The following SDHAF4 variants were observed in gnomAD, a reference collection of about 807,000 sequenced individuals.
The protein encoded by SDHAF4 is succinate dehydrogenase complex assembly factor 4, also known as succinate dehydrogenase assembly factor 4, mitochondrial.
SDHAF4 carries 14 observed loss-of-function variants against 14.3 expected under a neutral mutation model. That is an observed-to-expected ratio of 0.98 (90% confidence interval 0.65 to 1.53). The LOEUF (loss-of-function observed/expected upper bound fraction) is 1.53, where lower values mean the gene tolerates loss of function less well. SDHAF4 is among the 40% of genes most tolerant of loss of function. The pLI is 0.00. For missense variants in SDHAF4, 141 were observed against 129.3 expected (o/e 1.09, Z -0.44); for synonymous variants, 63 against 47.3 (o/e 1.33, Z -1.36).
At chr6:70,568,436 A>G (rs1802132673) in intron 1 of SDHAF4, among the ~76,000 whole-genome samples, 2 of 152,318 alleles carry the variant, frequency 1.3e-5, no homozygotes, top group South Asian at 4.1e-4. Flanking sequence ...TTCCTGATAC[A>G]ACTGTGCAAT....
At chr6:70,578,802 C>T (rs1289131112) in intron 1 of SDHAF4, among the ~76,000 whole-genome samples, 1 of 152,142 alleles carries the variant, frequency 6.6e-6, no homozygotes, top group African/African-American at 2.4e-5. Context: ...CACATAGCTG[C>T]CAACTATCCC....
the SDHAF4 span, among the ~76,000 whole-genome samples, chr6:70,597,566 A>G: frequency 6.6e-6 from 1 of 152,034 alleles, no homozygotes; most frequent in Non-Finnish European, 1.5e-5. Context: ...CTGACTGAAG[A>G]CTTTATAAAG....
the SDHAF4 span, among the ~76,000 whole-genome samples, chr6:70,597,934 G>A: frequency 3.3e-5 from 5 of 152,170 alleles, no homozygotes; most frequent in South Asian, 2.1e-4. Context: ...TCAACTTCCC[G>A]AAGACTGGTT....
intron 2 of SDHAF4, among the ~76,000 whole-genome samples, chr6:70,583,666 C>T (rs1400713431): frequency 6.6e-6 from 1 of 152,164 alleles, no homozygotes; most frequent in Non-Finnish European, 1.5e-5. Context: ...CTAACAACAG[C>T]TGATGAGCTA....
At chr6:70,591,545 A>G (rs9446272), downstream of SDHAF4, among the ~76,000 whole-genome samples, 66,639 of 151,560 alleles carry the variant, frequency 0.44, 15,184 homozygotes, top group Middle Eastern at 0.55. Context: ...TAGCCAGGAT[A>G]GTCTCGATCT....
chr6:70,594,537 T>G (rs565346977), downstream of SDHAF4, among the ~76,000 whole-genome samples: 5 of 152,252 alleles, frequency 3.3e-5, no homozygotes, highest in South Asian at 8.3e-4. Context: ...GAGTCTAGTC[T>G]CCACCAGCGA....
the SDHAF4 span, among the ~76,000 whole-genome samples, chr6:70,597,202 C>T: frequency 2.0e-5 from 3 of 150,928 alleles, no homozygotes; most frequent in South Asian, 2.1e-4. Context: ...AGTGTGATCT[C>T]GGCTCACTGC....
chr6:70,568,879 A>G (rs1581924505), intron 1 of SDHAF4, among the ~76,000 whole-genome samples: 3 of 150,898 alleles, frequency 2.0e-5, no homozygotes, highest in Admixed American at 6.6e-5. Context: ...ATGACACCTC[A>G]TTGTGATTTT....
downstream of SDHAF4, among the ~76,000 whole-genome samples, chr6:70,593,476 G>A (rs907264601): frequency 1.3e-5 from 2 of 152,184 alleles, no homozygotes; most frequent in African/African-American, 4.8e-5. Context: ...ACCACCCTGG[G>A]ACCTCAGAAC....
chr6:70,594,124 T>C (rs2128537186), downstream of SDHAF4, among the ~76,000 whole-genome samples: 1 of 152,338 alleles, frequency 6.6e-6, no homozygotes, highest in East Asian at 1.9e-4. Flanking sequence ...CCGTTGTATC[T>C]TGGAAGTAGA....
intron 1 of SDHAF4, among the ~76,000 whole-genome samples, chr6:70,570,407 C>A (rs1436561167): frequency 6.6e-6 from 1 of 152,124 alleles, no homozygotes; most frequent in Non-Finnish European, 1.5e-5. Context: ...ACTGCAACCT[C>A]CACCTCCCGA....
chr6:70,596,856 G>A, the SDHAF4 span: 2 of 152,260 alleles, frequency 1.3e-5, no homozygotes, highest in Admixed American at 1.3e-4. Context: ...AATAACAAAT[G>A]TTCATTGGAT....
At chr6:70,571,649 T>C (rs12197942) in intron 1 of SDHAF4, among the ~76,000 whole-genome samples, 26,430 of 152,142 alleles carry the variant, frequency 0.17, 2,391 homozygotes, top group Middle Eastern at 0.21. Context: ...TCTAGCCTCA[T>C]ATAATGTACT....
At chr6:70,568,955 CTTTTTTCTTT>C (rs1802141190) in intron 1 of SDHAF4, among the ~76,000 whole-genome samples, 1 of 99,438 alleles carries the variant, frequency 1.0e-5, no homozygotes, top group Non-Finnish European at 1.9e-5. Context: ...ATACCTCTTT[CTTTTTTCTTT>C]TTTTTTTTTT....
chr6:70,580,058 GA>G (rs1272380396), intron 2 of SDHAF4, among the ~76,000 whole-genome samples: 1 of 151,128 alleles, frequency 6.6e-6, no homozygotes, highest in Non-Finnish European at 1.5e-5. Flanking sequence ...AATGAGGTAT[GA>G]TAAATAAATA....
At chr6:70,596,939 A>G in the SDHAF4 span, 3 of 152,256 alleles carry the variant, frequency 2.0e-5, no homozygotes, top group African/African-American at 4.8e-5. Flanking sequence ...ATTTCAGAAC[A>G]GGACAGTAAT....
At chr6:70,592,672 C>G (rs900790728), downstream of SDHAF4, among the ~76,000 whole-genome samples, 6 of 152,186 alleles carry the variant, frequency 3.9e-5, no homozygotes, top group African/African-American at 1.4e-4. Context: ...TAGGCTATTG[C>G]ATGGCTACTT....
chr6:70,582,642 A>C (rs1765146596), intron 2 of SDHAF4, among the ~76,000 whole-genome samples: 1 of 152,142 alleles, frequency 6.6e-6, no homozygotes, highest in South Asian at 2.1e-4. Context: ...CAAGCCCGAA[A>C]TCTGGGGATA....
downstream of SDHAF4, among the ~76,000 whole-genome samples, chr6:70,593,613 A>G (rs184719871): frequency 2.4e-4 from 36 of 152,238 alleles, no homozygotes; most frequent in Admixed American, 2.4e-3. Context: ...TGTTTTGGAG[A>G]CCCACTCCCT....
Sources: gnomAD v4.1 joint callset for allele counts (sites outside exome capture counted in the v4.1 genomes callset) on GRCh38, gnomAD v4.1.1 for gene constraint, MANE v1.5 for transcripts, NCBI Gene and HGNC (gene_info 2026-07-23, HGNC 2026-07-21) for gene names.